PTK2: variants seen among roughly 807,000 people sequenced by gnomAD.
The protein encoded by PTK2 is protein tyrosine kinase 2.
PTK2 carries 45 observed loss-of-function variants against 150.1 expected under a neutral mutation model. The observed-to-expected ratio is 0.30, with a 90% confidence interval of 0.24 to 0.38. The LOEUF is 0.38. PTK2 is among the 10% of genes least tolerant of loss of function. The pLI is 1.00. For missense variants in PTK2, 919 were observed against 1,307.3 expected (o/e 0.70, Z 4.58); for synonymous variants, 432 against 449.2 (o/e 0.96, Z 0.48).
At chr8:140,899,790 T>C (rs1037933957) in intron 2 of PTK2, among the ~76,000 whole-genome samples, 1 of 151,790 alleles carries the variant, frequency 6.6e-6, no homozygotes, top group African/African-American at 2.4e-5. Flanking sequence ...GCAAGGAGAG[T>C]TCAACATATG....
intron 1 of PTK2, among the ~76,000 whole-genome samples, chr8:140,944,168 A>C (rs2100176846): frequency 6.6e-6 from 1 of 152,204 alleles, no homozygotes; most frequent in African/African-American, 2.4e-5. Context: ...CACTTTCAGA[A>C]TCAGGAAATC....
At chr8:140,890,446 A>C in intron 3 of PTK2, 97 bp downstream of exon 3, 1 of 1,020,916 alleles carries the variant, frequency 9.8e-7, no homozygotes. Context: ...GTCCCCGATA[A>C]GTTAAATAAA....
At chr8:140,674,227 A>C (rs1041429506) in intron 29 of PTK2, 71 bp downstream of exon 32, 1 of 1,396,010 alleles carries the variant, frequency 7.2e-7, no homozygotes, top group African/African-American at 1.4e-5. Context: ...TGACATGAAC[A>C]CATCAACTGA....
At chr8:140,988,315 C>T (rs749329176) in intron 1 of PTK2, among the ~76,000 whole-genome samples, 6 of 152,174 alleles carry the variant, frequency 3.9e-5, no homozygotes, top group Non-Finnish European at 5.9e-5. Flanking sequence ...AGCCAAGGTA[C>T]TCTTGAAGAA....
chr8:140,748,784 G>A (rs192384429), intron 17 of PTK2, among the ~76,000 whole-genome samples: 67 of 152,292 alleles, frequency 4.4e-4, no homozygotes, highest in South Asian at 1.7e-3. Context: ...AAGGTTACTT[G>A]TACAGTATAC....
intron 5 of PTK2, among the ~76,000 whole-genome samples, chr8:140,851,918 C>T (rs1789815915): frequency 6.7e-6 from 1 of 150,132 alleles, no homozygotes; most frequent in Non-Finnish European, 1.5e-5. Flanking sequence ...TTTAAAAGAA[C>T]ATTTGATGTT....
At chr8:140,702,633 C>T in exon 25 of PTK2, 1 of 1,614,034 alleles carries the variant, frequency 6.2e-7, no homozygotes, top group Non-Finnish European at 8.5e-7. Context: ...CTGTTTGGTC[C>T]AAAAGAGATG....
chr8:140,870,414 GAATGA>G (rs1214809469), intron 4 of PTK2, among the ~76,000 whole-genome samples: 2 of 152,170 alleles, frequency 1.3e-5, no homozygotes, highest in East Asian at 3.8e-4. Context: ...AAACATGAAT[GAATGA>G]AAACAAGTGA....
At chr8:140,954,047 A>C (rs543084623) in intron 1 of PTK2, among the ~76,000 whole-genome samples, 1 of 151,246 alleles carries the variant, frequency 6.6e-6, no homozygotes, top group South Asian at 2.1e-4. Flanking sequence ...GGCTCACTGT[A>C]ACCTCCACCT....
At chr8:140,911,046 ATTTT>A (rs10706458) in intron 2 of PTK2, among the ~76,000 whole-genome samples, 3 of 143,456 alleles carry the variant, frequency 2.1e-5, no homozygotes, top group Non-Finnish European at 3.1e-5. Flanking sequence ...GCCCAGCTAA[ATTTT>A]TTTTTTTTTT....
chr8:140,772,522 G>A (rs142814291), intron 14 of PTK2, among the ~76,000 whole-genome samples: 2 of 152,302 alleles, frequency 1.3e-5, no homozygotes, highest in Non-Finnish European at 2.9e-5. Context: ...ACAGCGATAC[G>A]GAACATTACT....
At chr8:140,911,961 G>A (rs1288063144) in intron 2 of PTK2, among the ~76,000 whole-genome samples, 2 of 152,128 alleles carry the variant, frequency 1.3e-5, no homozygotes, top group Non-Finnish European at 1.5e-5. Context: ...GGCCAGGCGC[G>A]GTGACTCATG....
rs1338928535 is a variant in PTK2 at position 140,779,410 on chromosome 8, G to A, written c.1177+10064C>T. Reference sequence around the variant, plus strand: ...AGGACAGCCTTGTTCTGATATGTGAGATTCAAAGCTCATGTTTTTGAGGGA... The same window carrying A: ...AGGACAGCCTTGTTCTGATATGTGAAATTCAAAGCTCATGTTTTTGAGGGA... On this transcript the variant is annotated intron_variant, in intron 14 of 31. Transcript: ENST00000522684. 2.0e-5 allele frequency among the ~76,000 whole-genome samples: 3 copies of A among 152,150 alleles called. No individual in the cohort carries two copies. The East Asian group carries it at 5.8e-4, about 29-fold the overall frequency.
intron 2 of PTK2, among the ~76,000 whole-genome samples, chr8:140,915,462 T>A (rs2100164874): frequency 1.3e-5 from 2 of 152,242 alleles, no homozygotes; most frequent in South Asian, 4.1e-4. Context: ...ATTTTAGGGT[T>A]CCCATATAAT....
At chr8:140,911,582 T>TA (rs1257489296) in intron 2 of PTK2, among the ~76,000 whole-genome samples, 1 of 152,178 alleles carries the variant, frequency 6.6e-6, no homozygotes, top group African/African-American at 2.4e-5. Context: ...CAATGACTTT[T>TA]AAAATACACA....
intron 28 of PTK2, 62 bp from the exon 32 acceptor site, chr8:140,674,466 G>C: frequency 1.4e-6 from 2 of 1,429,964 alleles, no homozygotes; most frequent in Non-Finnish European, 1.9e-6. Context: ...GAGGCTGGGG[G>C]CAGTGGCTCA....
chr8:140,731,922 C>T (rs982664089), intron 22 of PTK2, among the ~76,000 whole-genome samples: 1 of 152,040 alleles, frequency 6.6e-6, no homozygotes, highest in African/African-American at 2.4e-5. Context: ...AATACACACG[C>T]ATACACTCCA....
intron 10 of PTK2, among the ~76,000 whole-genome samples, chr8:140,809,485 G>A (rs928213121): frequency 2.6e-5 from 4 of 152,116 alleles, no homozygotes; most frequent in Admixed American, 6.5e-5. Context: ...TACCAAAGCC[G>A]ACACAAGTGG....
chr8:140,877,170 G>A (rs11777688), intron 4 of PTK2, among the ~76,000 whole-genome samples: 1 of 151,158 alleles, frequency 6.6e-6, no homozygotes, highest in South Asian at 2.1e-4. Flanking sequence ...GTAGCTGGGA[G>A]TACAGGCACC....
Sources: allele counts gnomAD v4.1 joint callset (sites outside exome capture counted in the v4.1 genomes callset), GRCh38; gene constraint gnomAD v4.1.1; transcripts MANE v1.5; gene names NCBI Gene and HGNC (gene_info 2026-07-23, HGNC 2026-07-21).